The following PHF24 variants were observed in gnomAD, a reference collection of about 807,000 sequenced individuals.
PHF24 encodes the protein Galpha inhibitory interacting protein.
In PHF24, 25 loss-of-function variants were observed where a neutral mutation model predicts 42.6. The observed-to-expected ratio is 0.59, with a 90% CI of 0.43 to 0.82. The LOEUF (loss-of-function observed/expected upper bound fraction) is 0.82. Ranked by LOEUF, PHF24 falls within the 40% of genes least tolerant of loss-of-function variation. The pLI, the probability that PHF24 is intolerant of heterozygous loss-of-function variation, is 0.00. For missense variants in PHF24, 470 were observed against 538.1 expected, an observed-to-expected ratio of 0.87 and a Z score of 1.25; for synonymous variants, 185 against 204.8, an observed-to-expected ratio of 0.90 and a Z score of 0.83.
At chr9:34,855,080 GA>G in the PHF24 span, among the ~76,000 whole-genome samples, 1 of 152,108 alleles carries the variant, frequency 6.6e-6, no homozygotes, top group Non-Finnish European at 1.5e-5. Context: ...TGTTTTGTCA[GA>G]AACTAGGATT....
chr9:34,721,906 T>A, the PHF24 span, among the ~76,000 whole-genome samples: 1 of 152,212 alleles, frequency 6.6e-6, no homozygotes, highest in South Asian at 2.1e-4. Context: ...TATTCCACAC[T>A]CATCTTGTTT....
the PHF24 span, among the ~76,000 whole-genome samples, chr9:34,811,798 A>T: frequency 3.9e-5 from 6 of 152,238 alleles, no homozygotes; most frequent in Non-Finnish European, 8.8e-5. Flanking sequence ...AACAGATAAA[A>T]TATCAATATC....
At chr9:34,811,394 G>A in the PHF24 span, among the ~76,000 whole-genome samples, 1 of 152,136 alleles carries the variant, frequency 6.6e-6, no homozygotes, top group South Asian at 2.1e-4. Flanking sequence ...TAAATTAATT[G>A]ACATTATCTC....
the PHF24 span, among the ~76,000 whole-genome samples, chr9:34,804,303 A>T: frequency 6.6e-6 from 1 of 152,282 alleles, no homozygotes; most frequent in East Asian, 1.9e-4. Flanking sequence ...ATGGCAGAAT[A>T]AAAAAGTCTG....
chr9:34,904,234 G>T, the PHF24 span, among the ~76,000 whole-genome samples: 2 of 152,080 alleles, frequency 1.3e-5, no homozygotes, highest in African/African-American at 4.8e-5. Flanking sequence ...TTGTCTGATT[G>T]CTCTGGCTAG....
At chr9:34,925,971 G>T in the PHF24 span, among the ~76,000 whole-genome samples, 1 of 152,186 alleles carries the variant, frequency 6.6e-6, no homozygotes, top group Admixed American at 6.5e-5. Flanking sequence ...TGGGACCTGG[G>T]GTGTTGGTTC....
At chr9:34,941,553 G>A in the PHF24 span, among the ~76,000 whole-genome samples, 2 of 152,298 alleles carry the variant, frequency 1.3e-5, no homozygotes, top group South Asian at 2.1e-4. Flanking sequence ...GTCTCAGTCT[G>A]TTCAGGCTGC....
chr9:34,952,870 A>G (rs982817016), upstream of PHF24, among the ~76,000 whole-genome samples: 46 of 152,386 alleles, frequency 3.0e-4, no homozygotes, highest in African/African-American at 9.1e-4. Flanking sequence ...AGGCCACTCA[A>G]TGAAGAAAGT....
chr9:34,781,151 A>G, the PHF24 span, among the ~76,000 whole-genome samples: 1 of 152,240 alleles, frequency 6.6e-6, no homozygotes, highest in South Asian at 2.1e-4. Flanking sequence ...CGAAAACAGG[A>G]ATTCAAACAG....
the PHF24 span, chr9:34,917,244 G>A: frequency 8.0e-7 from 1 of 1,243,684 alleles, no homozygotes; most frequent in South Asian, 1.2e-5. Context: ...GCCTCAGGGT[G>A]AGAAAGTCCG....
the PHF24 span, among the ~76,000 whole-genome samples, chr9:34,942,364 T>A: frequency 4.6e-5 from 7 of 151,636 alleles, no homozygotes; most frequent in African/African-American, 1.7e-4. Context: ...AATTCATTTT[T>A]TACTTTGGAA....
At chr9:34,808,916 T>G in the PHF24 span, among the ~76,000 whole-genome samples, 1 of 147,922 alleles carries the variant, frequency 6.8e-6, no homozygotes, top group African/African-American at 2.5e-5. Context: ...AGGGATAGCA[T>G]TGGGAGATAT....
At chr9:34,974,822 A>G (rs1827128998) in intron 3 of PHF24, among the ~76,000 whole-genome samples, 1 of 151,786 alleles carries the variant, frequency 6.6e-6, no homozygotes, top group African/African-American at 2.4e-5. Flanking sequence ...TTTGCCCCCA[A>G]ACCTGCTCTT....
chr9:34,863,783 C>T, the PHF24 span, among the ~76,000 whole-genome samples: 2 of 152,194 alleles, frequency 1.3e-5, no homozygotes, highest in Admixed American at 6.5e-5. Flanking sequence ...AACATGACCT[C>T]ACCAAACAAC....
At chr9:34,887,242 C>A in the PHF24 span, among the ~76,000 whole-genome samples, 7 of 152,248 alleles carry the variant, frequency 4.6e-5, no homozygotes, top group South Asian at 1.2e-3. Context: ...CCGGAGTAAC[C>A]TTACAACTAA....
At chr9:34,782,577 A>G in the PHF24 span, among the ~76,000 whole-genome samples, 1 of 152,208 alleles carries the variant, frequency 6.6e-6, no homozygotes, top group African/African-American at 2.4e-5. Flanking sequence ...GGTAGAGAGC[A>G]AGAGCATGAA....
chr9:34,751,851 C>A, the PHF24 span, among the ~76,000 whole-genome samples: 2 of 152,080 alleles, frequency 1.3e-5, no homozygotes, highest in Non-Finnish European at 2.9e-5. Context: ...TATCAAGTAT[C>A]TTCTCTGAGC....
the PHF24 span, among the ~76,000 whole-genome samples, chr9:34,930,778 T>C: frequency 6.6e-6 from 1 of 152,136 alleles, no homozygotes; most frequent in African/African-American, 2.4e-5. Flanking sequence ...TAACTCCAAT[T>C]CTAATGTTAA....
chr9:34,863,154 T>C, the PHF24 span, among the ~76,000 whole-genome samples: 1,142 of 152,198 alleles, frequency 7.5e-3, 21 homozygotes, highest in African/African-American at 0.026. Context: ...CTCCAGGGTC[T>C]GGCTCCTGGG....
Sources: allele counts gnomAD v4.1 joint callset (sites outside exome capture counted in the v4.1 genomes callset), GRCh38; gene constraint gnomAD v4.1.1; transcripts MANE v1.5; gene names NCBI Gene and HGNC (gene_info 2026-07-23, HGNC 2026-07-21).